The following LRRC4C variants were observed in gnomAD, a reference collection of about 807,000 sequenced individuals.
The protein encoded by LRRC4C is leucine-rich repeat-containing protein 4C.
In LRRC4C, 5 loss-of-function variants were observed where a neutral mutation model predicts 33.6. That is an observed-to-expected ratio of 0.15 (90% confidence interval 0.08 to 0.31). The LOEUF is 0.31. Ranked by LOEUF, LRRC4C falls within the 10% of genes least tolerant of loss-of-function variation. The pLI, the probability that LRRC4C is intolerant of heterozygous loss-of-function variation, is 1.00. For missense variants in LRRC4C, 560 were observed against 796.7 expected (o/e 0.70, Z 3.58); for synonymous variants, 329 against 302.0 (o/e 1.09, Z -0.93).
intron 1 of LRRC4C, among the ~76,000 whole-genome samples, chr11:41,264,817 T>G (rs574649414): frequency 2.6e-5 from 4 of 152,258 alleles, no homozygotes; most frequent in African/African-American, 9.6e-5. Flanking sequence ...TAGAATACAC[T>G]TGCGTACAAC....
chr11:40,886,436 C>CACACACACACAT (rs61036208), intron 2 of LRRC4C, among the ~76,000 whole-genome samples: 1 of 151,168 alleles, frequency 6.6e-6, no homozygotes, highest in Non-Finnish European at 1.5e-5. Context: ...CACACACACA[C>CACACACACACAT]GCACACACTC....
intron 4 of LRRC4C, among the ~76,000 whole-genome samples, chr11:40,272,875 A>G (rs1244593676): frequency 2.0e-5 from 3 of 152,024 alleles, no homozygotes; most frequent in Non-Finnish European, 2.9e-5. Flanking sequence ...CTTGATTGAA[A>G]CTAATTAGTT....
At chr11:40,254,329 G>A (rs967774351) in intron 4 of LRRC4C, among the ~76,000 whole-genome samples, 3 of 152,210 alleles carry the variant, frequency 2.0e-5, no homozygotes, top group Non-Finnish European at 4.4e-5. Context: ...GAGAGCATGA[G>A]GGAACTCAGG....
chr11:40,246,991 C>G (rs1255144563), intron 4 of LRRC4C, among the ~76,000 whole-genome samples: 1 of 152,074 alleles, frequency 6.6e-6, no homozygotes, highest in Non-Finnish European at 1.5e-5. Context: ...GGCTGTTTCC[C>G]CCAGGTGGAG....
rs531297149 is a variant in LRRC4C, at chr11:40,418,792, G to T, written c.-269-99071C>A. Among the ~76,000 whole-genome samples the T allele has an allele frequency of 2.6e-5, 4 of 152,288 alleles. No individual in the cohort carries two copies. The South Asian group carries it at 6.2e-4, about 24-fold the overall frequency. On this transcript the variant is annotated intron_variant, in intron 3 of 6. Coordinates refer to ENST00000528697, the MANE Select transcript of LRRC4C (RefSeq NM_001258419.2). ...ATACTATGCAGCCATAAAAAGGAGT[G>T]AGATCATGTCCTTTGCAGGGACACG...
At chr11:41,155,785 CTT>C (rs1199883371) in intron 1 of LRRC4C, among the ~76,000 whole-genome samples, 1 of 152,128 alleles carries the variant, frequency 6.6e-6, no homozygotes, top group Non-Finnish European at 1.5e-5. Context: ...ATCTCTCTCT[CTT>C]TTCCGCTTTG....
intron 2 of LRRC4C, among the ~76,000 whole-genome samples, chr11:40,904,688 A>G (rs1219813269): frequency 6.6e-6 from 1 of 152,138 alleles, no homozygotes; most frequent in Non-Finnish European, 1.5e-5. Flanking sequence ...ACTGGTTTGC[A>G]GGTTAGGCAC....
At chr11:40,344,223 C>T (rs1031315365) in intron 3 of LRRC4C, among the ~76,000 whole-genome samples, 1 of 152,110 alleles carries the variant, frequency 6.6e-6, no homozygotes, top group Non-Finnish European at 1.5e-5. Context: ...AGCCAACATT[C>T]CTGATGAACA....
chr11:40,855,065 C>T (rs1023608511), intron 2 of LRRC4C, among the ~76,000 whole-genome samples: 2 of 152,046 alleles, frequency 1.3e-5, no homozygotes, highest in Admixed American at 6.6e-5. Flanking sequence ...TTTCTCTGTT[C>T]AAAATGATTG....
intron 2 of LRRC4C, among the ~76,000 whole-genome samples, chr11:40,910,406 GTTA>G (rs1161341383): frequency 1.3e-5 from 2 of 152,150 alleles, no homozygotes; most frequent in Non-Finnish European, 2.9e-5. Context: ...TTATCATCTG[GTTA>G]TGGAAATACA....
intron 3 of LRRC4C, among the ~76,000 whole-genome samples, chr11:40,353,981 C>A (rs1483080865): frequency 6.6e-6 from 1 of 151,976 alleles, no homozygotes; most frequent in Non-Finnish European, 1.5e-5. Flanking sequence ...CTGTTTCTAC[C>A]CATCTGTCTT....
chr11:40,691,226 T>C (rs1945207809), intron 2 of LRRC4C, among the ~76,000 whole-genome samples: 1 of 151,630 alleles, frequency 6.6e-6, no homozygotes, highest in African/African-American at 2.4e-5. Context: ...TCTTGTGGGG[T>C]TCATAGGGAC....
intron 1 of LRRC4C, among the ~76,000 whole-genome samples, chr11:41,183,237 C>T (rs894306679): frequency 5.9e-5 from 9 of 152,092 alleles, no homozygotes; most frequent in African/African-American, 1.9e-4. Context: ...CCAACAGTTC[C>T]CCAACGTCTT....
chr11:40,291,161 C>T (rs7941452), intron 4 of LRRC4C, among the ~76,000 whole-genome samples: 1 of 151,716 alleles, frequency 6.6e-6, no homozygotes, highest in Non-Finnish European at 1.5e-5. Flanking sequence ...AGAGGAATAG[C>T]GAAGGGGGAA....
intron 2 of LRRC4C, among the ~76,000 whole-genome samples, chr11:40,824,361 A>C (rs888363416): frequency 6.6e-6 from 1 of 151,978 alleles, no homozygotes; most frequent in Non-Finnish European, 1.5e-5. Context: ...AAGTAGATTA[A>C]AATTTTTAAA....
intron 3 of LRRC4C, among the ~76,000 whole-genome samples, chr11:40,505,363 C>T (rs1433541462): frequency 6.6e-6 from 1 of 152,126 alleles, no homozygotes; most frequent in African/African-American, 2.4e-5. Context: ...CTTGTGTTTC[C>T]CTTCTCTACC....
At chr11:41,110,071 T>C (rs1356055616) in intron 1 of LRRC4C, among the ~76,000 whole-genome samples, 1 of 152,042 alleles carries the variant, frequency 6.6e-6, no homozygotes, top group East Asian at 1.9e-4. Flanking sequence ...CACTATTTTA[T>C]TGCTCCATGG....
intron 1 of LRRC4C, among the ~76,000 whole-genome samples, chr11:41,199,566 G>A (rs1013672875): frequency 1.3e-5 from 2 of 152,136 alleles, no homozygotes; most frequent in Admixed American, 6.5e-5. Context: ...CATATAGAGT[G>A]TAGACTTCTT....
At chr11:40,168,461 T>C (rs568659916) in intron 5 of LRRC4C, among the ~76,000 whole-genome samples, 2 of 152,310 alleles carry the variant, frequency 1.3e-5, no homozygotes, top group East Asian at 3.9e-4. Context: ...ATGAATCCAC[T>C]TCACATCTGT....
Sources: gnomAD v4.1 joint callset for allele counts (sites outside exome capture counted in the v4.1 genomes callset) on GRCh38, gnomAD v4.1.1 for gene constraint, MANE v1.5 for transcripts, NCBI Gene and HGNC (gene_info 2026-07-23, HGNC 2026-07-21) for gene names.